Variants in NELFB observed in about 807,000 individuals in gnomAD.
NELFB encodes the protein negative elongation factor B.
A neutral mutation model predicts 60.2 loss-of-function variants in NELFB; 34 were observed. That is an observed-to-expected ratio of 0.56 (90% CI 0.43 to 0.75). NELFB has a LOEUF of 0.75. Among genes scored for constraint, NELFB ranks in the 30% least tolerant of loss-of-function variants. The pLI, the probability that NELFB is intolerant of heterozygous loss-of-function variation, is 0.00. For missense variants in NELFB, 770 were observed against 831.6 expected (o/e 0.93, Z 0.91); for synonymous variants, 459 against 382.1 (o/e 1.20, Z -2.35).
Position 137,255,553 on chromosome 9 carries a change from A to G in NELFB, c.188A>G (p.Asp63Gly). ...GACCTGGGCGTGGCCAACGGCGAGG[A>G]CCTGAAGGAGACCCTGACCAACTGC... The change falls in exon 1 of 13, where the codon GAC (aspartate) becomes GGC (glycine). Residue 63 changes from aspartate (D) to glycine (G), a missense_variant. Asp to Gly is a moderately conservative substitution (Grantham distance 94, BLOSUM62 -1). Transcript: ENST00000343053. 6.5e-7 allele frequency: 1 copy of G among 1,548,672 alleles called. No individual in the cohort carries two copies. The highest frequency in any genetic ancestry group is 8.7e-7 in the Non-Finnish European group (1 of 1,146,704).
intron 10 of NELFB, 125 bp downstream of exon 10, chr9:137,267,471 T>G: frequency 1.4e-6 from 1 of 690,128 alleles, no homozygotes; most frequent in Non-Finnish European, 2.4e-6. Context: ...ACCTCCAACT[T>G]TGCTAGCTTT....
intron 6 of NELFB, among the ~76,000 whole-genome samples, chr9:137,265,290 C>T (rs577733982): frequency 1.3e-5 from 2 of 151,244 alleles, no homozygotes; most frequent in South Asian, 2.1e-4. Flanking sequence ...GGATGACAGG[C>T]GTGAGCCACC....
rs140195151 is a variant in NELFB at position 137,258,359 on chromosome 9, A to G, written c.741+1305A>G. On this transcript the variant is annotated intron_variant, in intron 4 of 12. Coordinates refer to ENST00000343053, the MANE Select transcript of NELFB (RefSeq NM_015456.5). Reference sequence around the variant, plus strand: ...GGCTGGTCTCGAACTCCTGGGCTCAAGTAATCTGTCTGCACACCTCAGCCT... The same window carrying G: ...GGCTGGTCTCGAACTCCTGGGCTCAGGTAATCTGTCTGCACACCTCAGCCT... Among the ~76,000 whole-genome samples the G allele has an allele frequency of 2.0e-3, 305 of 150,744 alleles. 2 individuals carry two copies. The highest frequency in any genetic ancestry group is 7.0e-3 in the African/African-American group (286 of 40,962).
At chr9:137,260,378 TAAAA>T (rs1426748135) in intron 4 of NELFB, among the ~76,000 whole-genome samples, 4 of 150,234 alleles carry the variant, frequency 2.7e-5, no homozygotes, top group African/African-American at 7.3e-5. Context: ...TTTTAATTTT[TAAAA>T]TTTATTTTTT....
In NELFB at chr9:137,263,225, A is replaced by G; in HGVS notation, c.927+3A>G. On this transcript the variant is annotated splice_donor_region_variant and intron_variant, in intron 5 of 12. Transcript: ENST00000343053. Reference sequence around the variant, plus strand: ...GCACCGTGGACCCGTGCCACAAGGTAGCACTGCCCTCCCTCCTTCCCCCCT... The same window carrying G: ...GCACCGTGGACCCGTGCCACAAGGTGGCACTGCCCTCCCTCCTTCCCCCCT... 1 of 1,604,670 alleles carries G rather than the reference A, an allele frequency of 6.2e-7. No individual in the cohort carries two copies.
rs1830472892 is a variant in NELFB at position 137,263,085 on chromosome 9, G to A, written c.790G>A (p.Asp264Asn). The A allele has an allele frequency of 3.7e-6, 6 of 1,614,026 alleles. No homozygotes were observed. The highest frequency in any genetic ancestry group is 2.2e-5 in the East Asian group (1 of 44,872). The change falls in exon 5 of 13, where the codon GAC (aspartate) becomes AAC (asparagine). Residue 264 changes from aspartate to asparagine, a missense_variant. Coordinates refer to ENST00000343053, the MANE Select transcript of NELFB (RefSeq NM_015456.5). ...GGTGGGGAAGAACGTGAAGCTGTAC[G>A]ACATGGTGCTGCAGTTTCTGCGCAC...
In NELFB at chr9:137,255,630, C is replaced by CG. The variant is rs1554790484; in HGVS notation, c.246+25dup. ...GTTCCAGGTGGGGCGGCCCCCGGGGCGGGGGGAGCCCAGTTGGAGGGCCGG... is the reference window on the plus strand; with the variant it reads ...GTTCCAGGTGGGGCGGCCCCCGGGGCGGGGGGGAGCCCAGTTGGAGGGCCGG... On this transcript the variant is annotated intron_variant, in intron 1 of 12. Coordinates refer to ENST00000343053, the MANE Select transcript of NELFB (RefSeq NM_015456.5). The CG allele has an allele frequency of 6.5e-7, 1 of 1,539,284 alleles. No homozygotes were observed. Among genetic ancestry groups the CG allele is most frequent in the South Asian group, 1.2e-5 (1 of 83,040 alleles).
Position 137,264,475 on chromosome 9 carries a change from G to GT in NELFB, c.1040+125dup, listed in dbSNP as rs949269281. The GT allele has an allele frequency of 7.8e-5, 59 of 753,680 alleles. 1 individual carries two copies. Among genetic ancestry groups the GT allele is most frequent in the Middle Eastern group, 3.8e-4 (1 of 2,628 alleles). The allele number at this position is 753,680 out of a possible 1,614,324, so 46.7% of individuals were successfully genotyped here. ...ATTCCCGGATATTGCTTTTTCTTTT[G>GT]TTTTTTTCGAGACAGAGTCTCGTTC... On this transcript the variant is annotated intron_variant, in intron 6 of 12. Transcript: ENST00000343053.
chr9:137,256,729 G>C (rs1031782155), intron 3 of NELFB, 95 bp from the exon 4 acceptor site: 7 of 1,166,980 alleles, frequency 6.0e-6, no homozygotes, highest in Non-Finnish European at 8.6e-6. Flanking sequence ...AGCTTAGCTC[G>C]AGGTGGTCTC....
intron 4 of NELFB, among the ~76,000 whole-genome samples, chr9:137,257,887 C>G (rs1837582123): frequency 6.6e-6 from 1 of 151,778 alleles, no homozygotes; most frequent in Non-Finnish European, 1.5e-5. Context: ...CGACTCGCTG[C>G]AGCTTTGACT....
At chr9:137,256,255 T>G in intron 2 of NELFB, 74 bp from the exon 3 acceptor site, 2 of 1,466,612 alleles carry the variant, frequency 1.4e-6, no homozygotes, top group African/African-American at 1.4e-5. Context: ...GTAGCTGTTA[T>G]CTGTGTAGGG....
intron 10 of NELFB, among the ~76,000 whole-genome samples, chr9:137,268,080 C>T (rs2118988001): frequency 6.6e-6 from 1 of 151,854 alleles, no homozygotes; most frequent in Admixed American, 6.5e-5. Context: ...TCCAAATGGG[C>T]ACCTTCAAGA....
At chr9:137,258,965 A>G (rs911474483) in intron 4 of NELFB, among the ~76,000 whole-genome samples, 2 of 152,076 alleles carry the variant, frequency 1.3e-5, no homozygotes, top group African/African-American at 2.4e-5. Flanking sequence ...GTACTTTGGG[A>G]GGCGGAGGTG....
In NELFB at chr9:137,263,224, T is replaced by C; in HGVS notation, c.927+2T>C. On this transcript the variant is annotated splice_donor_variant, in intron 5 of 12. Transcript: ENST00000343053. LOFTEE classifies it high-confidence loss of function. The stretch of plus-strand genomic sequence containing the variant: ...TGCACCGTGGACCCGTGCCACAAGG[T>C]AGCACTGCCCTCCCTCCTTCCCCCC... The C allele has an allele frequency of 6.2e-7, 1 of 1,605,668 alleles. No individual in the cohort carries two copies. Among genetic ancestry groups the C allele is most frequent in the Non-Finnish European group, 8.5e-7 (1 of 1,175,142 alleles).
At position 137,269,540 on chromosome 9, in the gene NELFB, G is replaced by A. The variant is rs1226166536; in HGVS notation, c.1489+2194G>A. On this transcript the variant is annotated intron_variant, in intron 10 of 12. Coordinates refer to ENST00000343053, the MANE Select transcript of NELFB (RefSeq NM_015456.5). This position sits in a 1 kb window ranked among gnomAD's most constrained non-coding sequence, Gnocchi z 5.3. ...CCGTGGACCACATATACGACCACGC[G>A]GTCACATAAGCTGACAATACTGTAT... is the stretch of plus-strand genomic sequence containing the variant. Among the ~76,000 whole-genome samples, 4 of 152,202 alleles carry A rather than the reference G, an allele frequency of 2.6e-5. No individual in the cohort carries two copies. Among genetic ancestry groups the A allele is most frequent in the Admixed American group, 6.5e-5 (1 of 15,278 alleles).
chr9:137,267,395 C>T (rs1441323990), intron 10 of NELFB, 49 bp downstream of exon 10: 15 of 1,528,708 alleles, frequency 9.8e-6, no homozygotes, highest in East Asian at 2.4e-5. Context: ...GCGGCAGCTG[C>T]CGTATGCAGT....
At chr9:137,271,935 T>C (rs1377797078) in intron 10 of NELFB, 146 bp from the exon 11 acceptor site, 12 of 991,326 alleles carry the variant, frequency 1.2e-5, no homozygotes, top group Non-Finnish European at 1.8e-5. Context: ...CTTCACCTGC[T>C]GAGACCCTGT....
chr9:137,270,524 A>G (rs1012589876), intron 10 of NELFB, among the ~76,000 whole-genome samples: 2 of 152,202 alleles, frequency 1.3e-5, no homozygotes, highest in Non-Finnish European at 2.9e-5. Context: ...CAGGAGGCAG[A>G]GGTTGCAGTG....
chr9:137,265,210 G>C (rs1830503334), intron 6 of NELFB, among the ~76,000 whole-genome samples: 1 of 150,810 alleles, frequency 6.6e-6, no homozygotes, highest in African/African-American at 2.4e-5. Context: ...TAGTAGAGAT[G>C]GGATTTCACC....
Sources: gnomAD v4.1 joint callset for allele counts (sites outside exome capture counted in the v4.1 genomes callset) on GRCh38, gnomAD v4.1.1 for gene constraint, Gnocchi (gnomAD v3.1) non-coding constraint, MANE v1.5 for transcripts, NCBI Gene and HGNC (gene_info 2026-07-23, HGNC 2026-07-21) for gene names.